Variants in LHPP observed in about 807,000 individuals in gnomAD.
LHPP encodes phospholysine phosphohistidine inorganic pyrophosphate phosphatase.
Under a neutral mutation model 30.3 loss-of-function variants are expected in LHPP, and 24 were observed. The ratio of observed to expected loss-of-function variants is 0.79; its 90% CI spans 0.57 to 1.11. The LOEUF is 1.11. Ranked by LOEUF, LHPP falls within the 50% of genes most tolerant of loss-of-function variation. The pLI, the probability that LHPP is intolerant of heterozygous loss-of-function variation, is 0.00. For missense variants in LHPP, 356 were observed against 367.2 expected, an observed-to-expected ratio of 0.97 and a Z score of 0.25; for synonymous variants, 150 against 157.1, an observed-to-expected ratio of 0.95 and a Z score of 0.34.
intron 5 of LHPP, among the ~76,000 whole-genome samples, chr10:124,509,462 G>A (rs1954246030): frequency 6.6e-6 from 1 of 152,074 alleles, no homozygotes; most frequent in Admixed American, 6.6e-5. Flanking sequence ...GATGCATGTT[G>A]CTTATTTCTG....
At chr10:124,599,504 G>C (rs1414553451) in intron 6 of LHPP, among the ~76,000 whole-genome samples, 1 of 152,218 alleles carries the variant, frequency 6.6e-6, no homozygotes, top group East Asian at 1.9e-4. Flanking sequence ...CCGCCTCCAG[G>C]CTTGCAGGTG....
chr10:124,597,658 T>C (rs1235190737), intron 6 of LHPP, among the ~76,000 whole-genome samples: 1 of 151,814 alleles, frequency 6.6e-6, no homozygotes, highest in Non-Finnish European at 1.5e-5. Context: ...CCTGCCCCCA[T>C]GTGGTTTGGC....
intron 6 of LHPP, among the ~76,000 whole-genome samples, chr10:124,580,709 C>CTTTTT (rs778114381): frequency 9.1e-6 from 1 of 109,648 alleles, no homozygotes; most frequent in African/African-American, 3.3e-5. Flanking sequence ...AGAACATTTT[C>CTTTTT]TTTTTTTTTT....
At chr10:124,464,216 C>T (rs189417432) in intron 1 of LHPP, among the ~76,000 whole-genome samples, 6 of 152,324 alleles carry the variant, frequency 3.9e-5, no homozygotes, top group Non-Finnish European at 8.8e-5. Flanking sequence ...TGTTGATAGG[C>T]AGCCGGGAAG....
intron 6 of LHPP, among the ~76,000 whole-genome samples, chr10:124,520,418 G>A (rs1051787155): frequency 2.4e-4 from 36 of 152,130 alleles, no homozygotes; most frequent in Non-Finnish European, 4.3e-4. Flanking sequence ...CCAGGGTGGG[G>A]AGCACGTGCG....
intron 1 of LHPP, among the ~76,000 whole-genome samples, chr10:124,483,079 C>T (rs376443385): frequency 1.0e-3 from 159 of 152,042 alleles, no homozygotes; most frequent in African/African-American, 3.6e-3. Flanking sequence ...CCTGGATTCG[C>T]GGGTCTCCTA....
At chr10:124,526,063 G>A (rs749370850) in intron 6 of LHPP, 3 of 499,438 alleles carry the variant, frequency 6.0e-6, no homozygotes, top group African/African-American at 2.1e-5. Context: ...TCTTGGGAAC[G>A]TGCAGGTCCC....
chr10:124,479,314 G>A (rs956066087), intron 1 of LHPP, among the ~76,000 whole-genome samples: 1 of 152,186 alleles, frequency 6.6e-6, no homozygotes, highest in African/African-American at 2.4e-5. Flanking sequence ...CTCTCTGCAA[G>A]CCTTGCTGGG....
chr10:124,572,853 T>A (rs1948608128), intron 6 of LHPP, among the ~76,000 whole-genome samples: 1 of 152,198 alleles, frequency 6.6e-6, no homozygotes, highest in Non-Finnish European at 1.5e-5. Context: ...CCCATCCAGC[T>A]CAGTCCTGTG....
chr10:124,593,752 G>A lies in LHPP; in HGVS notation c.717-19512G>A, dbSNP rs571899753. On this transcript the variant is annotated intron_variant, in intron 6 of 6. Transcript: ENST00000368842. The surrounding 1 kb of genome is among the most constrained non-coding windows in gnomAD (Gnocchi z 4.9). The stretch of plus-strand genomic sequence containing the variant: ...GCTCTGGGCAGTCTCCAGGTCATGC[G>A]CGTTTGACGCAGGAGGTTTTGCCGG... Among the ~76,000 whole-genome samples, 39 of 152,370 alleles carry A rather than the reference G, an allele frequency of 2.6e-4. No individual in the cohort carries two copies. Among genetic ancestry groups the A allele is most frequent in the African/African-American group, 8.4e-4 (35 of 41,592 alleles).
Position 124,613,418 on chromosome 10 carries a change from C to CCTCCACCCGCCCAGGAGAGCCCCACCT in LHPP, c.*59_*60insTCCACCCGCCCAGGAGAGCCCCACCTC, listed in dbSNP as rs1949230081. Reference sequence around the variant, plus strand: ...CCTGCCTCTCCTCCACCCCTGCCTCCCCTCCACCCCTGCCTCTCCTCCACC... The same window carrying CCTCCACCCGCCCAGGAGAGCCCCACCT: ...CCTGCCTCTCCTCCACCCCTGCCTCCCTCCACCCGCCCAGGAGAGCCCCACCTCCTCCACCCCTGCCTCTCCTCCACC... On this transcript the variant is annotated 3_prime_UTR_variant, in exon 7 of 7. Coordinates refer to ENST00000368842, the MANE Select transcript of LHPP (RefSeq NM_022126.4). 4.7e-6 allele frequency: 5 copies of CCTCCACCCGCCCAGGAGAGCCCCACCT among 1,072,902 alleles called. No individual in the cohort carries two copies. The highest frequency in any genetic ancestry group is 7.0e-6 in the Non-Finnish European group (5 of 714,656). The allele number at this position is 1,072,902 out of a possible 1,614,324, so 66.5% of individuals were successfully genotyped here. A position where few individuals can be genotyped will look rare whatever the true frequency, so the allele number is the denominator to read the frequency against.
At chr10:124,534,319 G>A (rs114836671) in intron 6 of LHPP, among the ~76,000 whole-genome samples, 2,966 of 152,348 alleles carry the variant, frequency 0.019, 85 homozygotes, top group African/African-American at 0.066. Context: ...TACCGCAGCA[G>A]GGCAGGTAGC....
chr10:124,488,400 CTG>C lies in LHPP; in HGVS notation c.314-20_314-19del, dbSNP rs1353638581. On this transcript the variant is annotated intron_variant, in intron 2 of 6. Coordinates refer to ENST00000368842, the MANE Select transcript of LHPP (RefSeq NM_022126.4). ...TGTCCTCCCAGGGCTCCGTGGCACTCTGTCTCTCTCTCTCTTTCCAGGAGTCC... is the reference window on the plus strand; with the variant it reads ...TGTCCTCCCAGGGCTCCGTGGCACTCTCTCTCTCTCTCTTTCCAGGAGTCC... 6.2e-7 allele frequency: 1 copy of C among 1,612,784 alleles called. No homozygotes were observed. The highest frequency in any genetic ancestry group is 8.5e-7 in the Non-Finnish European group (1 of 1,179,464).
At chr10:124,544,004 G>T (rs1380284519) in intron 6 of LHPP, among the ~76,000 whole-genome samples, 1 of 152,234 alleles carries the variant, frequency 6.6e-6, no homozygotes, top group African/African-American at 2.4e-5. Context: ...CATCTCACCA[G>T]TTCCTCTCCT....
At position 124,461,849 on chromosome 10, in the gene LHPP, C is replaced by T. The variant is rs757171934; in HGVS notation, c.-14C>T. ...TCGGTTGGGACGCGGAGCTGAGGAG[C>T]AGGGCCGGGCGCCATGGCACCGTGG... On this transcript the variant is annotated 5_prime_UTR_variant, in exon 1 of 7. Transcript: ENST00000368842. The T allele has an allele frequency of 9.7e-6, 12 of 1,239,712 alleles. No homozygotes were observed. The highest frequency in any genetic ancestry group is 6.2e-5 in the African/African-American group (4 of 64,714). 76.8% of individuals were successfully genotyped at this position (1,239,712 alleles called of 1,614,324 possible).
chr10:124,496,416 A>G lies in LHPP; in HGVS notation c.468-545A>G, dbSNP rs571406904. ...CCACCTCCATGAGACGGGAAGGAAC[A>G]GTTGTCTTCTCATAAAAGCATCTGG... On this transcript the variant is annotated intron_variant, in intron 3 of 6. Transcript: ENST00000368842. This position sits in a 1 kb window ranked among gnomAD's most constrained non-coding sequence, Gnocchi z 4.3. Among the ~76,000 whole-genome samples the G allele has an allele frequency of 6.6e-6, 1 of 152,184 alleles. No individual in the cohort carries two copies. Among genetic ancestry groups the G allele is most frequent in the South Asian group, 2.1e-4 (1 of 4,834 alleles).
intron 1 of LHPP, among the ~76,000 whole-genome samples, chr10:124,467,506 T>G (rs1952587066): frequency 6.6e-6 from 1 of 150,982 alleles, no homozygotes; most frequent in Non-Finnish European, 1.5e-5. Context: ...AAAGACCACT[T>G]TCTTTTCTTT....
chr10:124,540,911 G>T (rs555743466), intron 6 of LHPP, among the ~76,000 whole-genome samples: 1 of 152,238 alleles, frequency 6.6e-6, no homozygotes, highest in African/African-American at 2.4e-5. Flanking sequence ...TGCCTTTAGG[G>T]GCTCAAGAAA....
chr10:124,544,899 G>C (rs116426447), intron 6 of LHPP, among the ~76,000 whole-genome samples: 1 of 152,196 alleles, frequency 6.6e-6, no homozygotes, highest in South Asian at 2.1e-4. Context: ...ACTGTGGCGC[G>C]AGTGCATATG....
Sources: gnomAD v4.1 joint callset for allele counts (sites outside exome capture counted in the v4.1 genomes callset) on GRCh38, gnomAD v4.1.1 for gene constraint, Gnocchi (gnomAD v3.1) non-coding constraint, MANE v1.5 for transcripts, NCBI Gene and HGNC (gene_info 2026-07-23, HGNC 2026-07-21) for gene names.